Variants in LHFPL3 observed in about 807,000 individuals in gnomAD.
The protein encoded by LHFPL3 is LHFPL tetraspan subfamily member 3, also known as LHFPL tetraspan subfamily member 3 protein.
In LHFPL3, 5 loss-of-function variants were observed where a neutral mutation model predicts 19.3. That is an observed-to-expected ratio of 0.26 (90% CI 0.14 to 0.54). The LOEUF is 0.54. LHFPL3 is among the 20% of genes least tolerant of loss of function. The pLI is 0.94. For synonymous variants in LHFPL3, 133 were observed against 126.2 expected, an observed-to-expected ratio of 1.05 and a Z score of -0.36; for missense variants, 249 against 307.4, an observed-to-expected ratio of 0.81 and a Z score of 1.42.
At chr7:104,891,845 G>C (rs990493075) in intron 2 of LHFPL3, among the ~76,000 whole-genome samples, 2 of 152,214 alleles carry the variant, frequency 1.3e-5, no homozygotes, top group African/African-American at 4.8e-5. Context: ...ATATGGTGTA[G>C]ACAGGCTGAC....
At chr7:104,830,808 C>T (rs549381789) in intron 2 of LHFPL3, among the ~76,000 whole-genome samples, 22 of 151,900 alleles carry the variant, frequency 1.4e-4, no homozygotes, top group Admixed American at 9.8e-4. Flanking sequence ...ATTGACTTGG[C>T]GATGCAGGCT....
intron 1 of LHFPL3, among the ~76,000 whole-genome samples, chr7:104,346,704 T>C (rs1449360927): frequency 6.6e-6 from 1 of 151,868 alleles, no homozygotes; most frequent in African/African-American, 2.4e-5. Context: ...AAATACCAAA[T>C]GAAATAATAG....
intron 1 of LHFPL3, among the ~76,000 whole-genome samples, chr7:104,551,977 G>T (rs1794669542): frequency 6.6e-6 from 1 of 152,142 alleles, no homozygotes; most frequent in Non-Finnish European, 1.5e-5. Context: ...ACTACCTCCA[G>T]CCTGCTTCTG....
At chr7:104,659,462 C>G (rs1276486671) in intron 1 of LHFPL3, among the ~76,000 whole-genome samples, 1 of 152,164 alleles carries the variant, frequency 6.6e-6, no homozygotes, top group Non-Finnish European at 1.5e-5. Flanking sequence ...CAAGGCTGCC[C>G]CAGCAGGGCA....
intron 2 of LHFPL3, among the ~76,000 whole-genome samples, chr7:104,853,420 C>T (rs1321658085): frequency 6.6e-6 from 1 of 152,294 alleles, no homozygotes; most frequent in East Asian, 1.9e-4. Context: ...TCTTTCTCTC[C>T]CTCCTTCCAA....
At chr7:104,503,002 T>C (rs1436837762) in intron 1 of LHFPL3, among the ~76,000 whole-genome samples, 2 of 152,154 alleles carry the variant, frequency 1.3e-5, no homozygotes, top group African/African-American at 2.4e-5. Flanking sequence ...CTTAAAATTT[T>C]CCAAACTCTC....
At chr7:104,455,662 A>G (rs186347082) in intron 1 of LHFPL3, among the ~76,000 whole-genome samples, 1 of 152,330 alleles carries the variant, frequency 6.6e-6, no homozygotes, top group African/African-American at 2.4e-5. Flanking sequence ...TTGAGGTTGC[A>G]GTGAGCCAAG....
chr7:104,536,485 C>T lies in LHFPL3; in HGVS notation c.446-200190C>T, dbSNP rs1432039552. ...TCATTTTCCCCCACGTATGATTTTC[C>T]ACATCATTACATCAAATCTGCCCCT... On this transcript the variant is annotated intron_variant, in intron 1 of 2. Coordinates refer to ENST00000424859, the MANE Select transcript of LHFPL3 (RefSeq NM_199000.3). Among the ~76,000 whole-genome samples the T allele has an allele frequency of 5.3e-5, 8 of 152,274 alleles. No individual in the cohort carries two copies. The East Asian group carries it at 1.4e-3, about 26-fold the overall frequency.
intron 1 of LHFPL3, among the ~76,000 whole-genome samples, chr7:104,686,196 C>G (rs1202930191): frequency 1.3e-5 from 2 of 152,132 alleles, no homozygotes; most frequent in African/African-American, 4.8e-5. Context: ...TTATAAAACC[C>G]TCAAAGTACA....
intron 2 of LHFPL3, among the ~76,000 whole-genome samples, chr7:104,875,680 T>C (rs978503434): frequency 6.6e-6 from 1 of 152,204 alleles, no homozygotes; most frequent in African/African-American, 2.4e-5. Flanking sequence ...AGTCTTTAAA[T>C]TATATGATAA....
intron 1 of LHFPL3, among the ~76,000 whole-genome samples, chr7:104,505,624 A>G (rs879768428): frequency 6.6e-6 from 1 of 152,346 alleles, no homozygotes; most frequent in East Asian, 1.9e-4. Context: ...TATTGCAATC[A>G]GTTAATTATC....
intron 2 of LHFPL3, among the ~76,000 whole-genome samples, chr7:104,746,441 T>G (rs1003443301): frequency 2.6e-5 from 4 of 152,100 alleles, no homozygotes; most frequent in Non-Finnish European, 5.9e-5. Context: ...ACCAATGAAG[T>G]CACTTAACTC....
chr7:104,390,652 A>C (rs1310652203), intron 1 of LHFPL3, among the ~76,000 whole-genome samples: 1 of 152,202 alleles, frequency 6.6e-6, no homozygotes, highest in Non-Finnish European at 1.5e-5. Context: ...ATATGTGTGC[A>C]TGTGTCTTTA....
intron 1 of LHFPL3, among the ~76,000 whole-genome samples, chr7:104,474,026 G>A (rs1006162915): frequency 6.6e-6 from 1 of 152,070 alleles, no homozygotes; most frequent in African/African-American, 2.4e-5. Flanking sequence ...CAAGCTCACT[G>A]CTCTGCCCTC....
intron 1 of LHFPL3, among the ~76,000 whole-genome samples, chr7:104,627,288 T>G (rs1408853357): frequency 6.6e-6 from 1 of 152,210 alleles, no homozygotes; most frequent in Non-Finnish European, 1.5e-5. Flanking sequence ...TTCATGTTGT[T>G]GCAAAAGGCA....
intron 1 of LHFPL3, among the ~76,000 whole-genome samples, chr7:104,530,091 T>C (rs1430494642): frequency 2.0e-5 from 3 of 152,176 alleles, no homozygotes; most frequent in African/African-American, 7.2e-5. Context: ...ATGTTAAAAA[T>C]AGTGTGATGT....
At chr7:104,622,214 C>G (rs1791458551) in intron 1 of LHFPL3, among the ~76,000 whole-genome samples, 1 of 152,084 alleles carries the variant, frequency 6.6e-6, no homozygotes, top group African/African-American at 2.4e-5. Context: ...CTCAGCCAGT[C>G]CTCTCACCGC....
intron 1 of LHFPL3, among the ~76,000 whole-genome samples, chr7:104,346,089 G>A (rs182149643): frequency 9.6e-4 from 143 of 148,720 alleles, no homozygotes; most frequent in Non-Finnish European, 6.5e-4. Context: ...AGGCTGGAGT[G>A]CAGTGGTGTG....
chr7:104,538,151 C>A (rs1455121211), intron 1 of LHFPL3, among the ~76,000 whole-genome samples: 1 of 152,208 alleles, frequency 6.6e-6, no homozygotes, highest in Non-Finnish European at 1.5e-5. Context: ...ATCCATGAAT[C>A]ACCACTGCAT....
Sources: gnomAD v4.1 joint callset for allele counts (sites outside exome capture counted in the v4.1 genomes callset) on GRCh38, gnomAD v4.1.1 for gene constraint, MANE v1.5 for transcripts, NCBI Gene and HGNC (gene_info 2026-07-23, HGNC 2026-07-21) for gene names.